TBX15: variants seen among roughly 807,000 people sequenced by gnomAD.
TBX15 encodes T-box transcription factor 15, also known as T-box transcription factor TBX15.
In TBX15, 18 loss-of-function variants were observed where a neutral mutation model predicts 53.9. The ratio of observed to expected loss-of-function variants is 0.33; its 90% CI spans 0.23 to 0.49. The LOEUF (loss-of-function observed/expected upper bound fraction) is 0.49, where lower values mean the gene tolerates loss of function less well. Among genes scored for constraint, TBX15 ranks in the 20% least tolerant of loss-of-function variants. TBX15 has a pLI of 0.98. For synonymous variants in TBX15, 295 were observed against 278.0 expected (o/e 1.06, Z -0.61); for missense variants, 692 against 749.5 (o/e 0.92, Z 0.90).
chr1:118,913,607 T>G (rs552556857), intron 6 of TBX15, among the ~76,000 whole-genome samples: 1 of 152,302 alleles, frequency 6.6e-6, no homozygotes, highest in African/African-American at 2.4e-5. Context: ...AGGGGTGTTC[T>G]GTAAACTCTC....
At chr1:118,900,120 A>C (rs1205381928) in intron 6 of TBX15, among the ~76,000 whole-genome samples, 1 of 152,196 alleles carries the variant, frequency 6.6e-6, no homozygotes, top group Non-Finnish European at 1.5e-5. Flanking sequence ...TTCTTTAAAA[A>C]AAAAACTGCT....
At chr1:118,927,783 C>T (rs1169073116) in intron 2 of TBX15, among the ~76,000 whole-genome samples, 1 of 152,176 alleles carries the variant, frequency 6.6e-6, no homozygotes. Flanking sequence ...TAAAGTTCAC[C>T]ATTCTTCTTT....
intron 1 of TBX15, among the ~76,000 whole-genome samples, chr1:118,935,567 C>A (rs985983255): frequency 6.6e-6 from 1 of 152,106 alleles, no homozygotes; most frequent in East Asian, 1.9e-4. Flanking sequence ...ACTTAAGTAA[C>A]CTGCGCTGAG....
At chr1:118,953,236 T>A (rs1359844085) in intron 1 of TBX15, among the ~76,000 whole-genome samples, 1 of 152,240 alleles carries the variant, frequency 6.6e-6, no homozygotes, top group Non-Finnish European at 1.5e-5. Context: ...TGGAATTTAA[T>A]TCATTCTAAA....
chr1:118,976,755 C>T (rs1036725060), intron 1 of TBX15, among the ~76,000 whole-genome samples: 2 of 152,162 alleles, frequency 1.3e-5, no homozygotes, highest in African/African-American at 4.8e-5. Context: ...AAATTCCTTT[C>T]GTCTTTATTA....
Position 118,944,474 on chromosome 1 carries a change from G to A in TBX15, c.206-12642C>T, listed in dbSNP as rs6663987. ...TCAACAAGGCTCTATTTTTCCCCAG[G>A]CCTACCTACCTTGAAGGGTCAGAAT... On this transcript the variant is annotated intron_variant, in intron 1 of 7. Coordinates refer to ENST00000369429, the MANE Select transcript of TBX15 (RefSeq NM_001330677.2). 2.0e-3 allele frequency among the ~76,000 whole-genome samples: 307 copies of A among 152,174 alleles called. 1 individual carries two copies. The highest frequency in any genetic ancestry group is 7.2e-3 in the African/African-American group (300 of 41,522).
chr1:118,968,641 A>G (rs1378411747), intron 1 of TBX15, among the ~76,000 whole-genome samples: 6 of 152,190 alleles, frequency 3.9e-5, no homozygotes, highest in Non-Finnish European at 7.4e-5. Flanking sequence ...TGTTTTGCCA[A>G]TGCTGTTGGG....
chr1:118,894,560 A>G (rs1181424150), intron 7 of TBX15, among the ~76,000 whole-genome samples: 1 of 152,180 alleles, frequency 6.6e-6, no homozygotes, highest in East Asian at 1.9e-4. Context: ...ACTATGGAAG[A>G]CATTAAGGTC....
At chr1:118,890,896 T>A (rs1303728777) in intron 7 of TBX15, 3 of 1,304,088 alleles carry the variant, frequency 2.3e-6, no homozygotes, top group East Asian at 1.1e-4. Context: ...TCTTCTCTCG[T>A]ATAATTCAAT....
At chr1:118,950,825 C>T (rs1175276405) in intron 1 of TBX15, among the ~76,000 whole-genome samples, 1 of 152,174 alleles carries the variant, frequency 6.6e-6, no homozygotes, top group African/African-American at 2.4e-5. Flanking sequence ...AGTATAAAAG[C>T]ACAATATGCC....
At position 118,912,222 on chromosome 1, in the gene TBX15, G is replaced by A. The variant is rs1452378116; in HGVS notation, c.926+1893C>T. ...ATGCTATTGGAGATACAGAAGGAAG[G>A]AAAAAGAAAGAAATAGTTTAATAAC... On this transcript the variant is annotated intron_variant, in intron 6 of 7. Coordinates refer to ENST00000369429, the MANE Select transcript of TBX15 (RefSeq NM_001330677.2). 5.3e-5 allele frequency among the ~76,000 whole-genome samples: 8 copies of A among 152,142 alleles called. No homozygotes were observed. In the East Asian group the frequency reaches 1.5e-3, roughly 29 times the overall value.
chr1:118,900,528 T>A (rs981710036), intron 6 of TBX15, among the ~76,000 whole-genome samples: 1 of 152,198 alleles, frequency 6.6e-6, no homozygotes, highest in African/African-American at 2.4e-5. Flanking sequence ...CTTTCTAAAG[T>A]CTTCCCTGGA....
intron 6 of TBX15, among the ~76,000 whole-genome samples, chr1:118,907,080 G>C (rs1419717003): frequency 2.6e-5 from 4 of 152,184 alleles, no homozygotes; most frequent in African/African-American, 9.7e-5. Flanking sequence ...CTCCTAAAAA[G>C]TTGTACCAAT....
At chr1:118,948,136 AGG>A (rs1656402223) in intron 1 of TBX15, among the ~76,000 whole-genome samples, 6 of 152,140 alleles carry the variant, frequency 3.9e-5, no homozygotes. Context: ...CAGTACAGTC[AGG>A]GTCTCTATTA....
chr1:118,912,726 T>C (rs1178426275), intron 6 of TBX15, among the ~76,000 whole-genome samples: 9 of 152,154 alleles, frequency 5.9e-5, no homozygotes, highest in Non-Finnish European at 8.8e-5. Context: ...GAAATGAAAG[T>C]AGTAGGTATT....
rs774198029 is a variant in TBX15, at chr1:118,899,141, C to T, written c.927-16G>A. 7 of 1,609,796 alleles carry T rather than the reference C, an allele frequency of 4.3e-6. No individual in the cohort carries two copies. The highest frequency in any genetic ancestry group is 1.3e-5 in the African/African-American group (1 of 74,762). On this transcript the variant is annotated splice_polypyrimidine_tract_variant and intron_variant, in intron 6 of 7. Transcript: ENST00000369429. ...AAGTCCAGTTCTGACAAGAGAAAAG[C>T]CAGCAAAGGAAGTCATAAATAATTT...
In TBX15 at chr1:118,984,367, C is replaced by T. The variant is rs190723242; in HGVS notation, c.205+3224G>A. Among the ~76,000 whole-genome samples, 160 of 152,372 alleles carry T rather than the reference C, an allele frequency of 1.1e-3. 1 individual carries two copies. Among genetic ancestry groups the T allele is most frequent in the Non-Finnish European group, 1.9e-4 (13 of 68,040 alleles). ...CACAGAAGGTTTACATTATTTCGCT[C>T]CGCGGGAGACCCGGCTTCGGCAGCA... On this transcript the variant is annotated intron_variant, in intron 1 of 7. Transcript: ENST00000369429.
intron 1 of TBX15, among the ~76,000 whole-genome samples, chr1:118,937,691 T>C (rs554363247): frequency 2.0e-5 from 3 of 152,260 alleles, no homozygotes; most frequent in South Asian, 4.1e-4. Context: ...AGGAAGAAAA[T>C]AGTTTGAAAC....
At chr1:118,909,579 G>A (rs1201487634) in intron 6 of TBX15, among the ~76,000 whole-genome samples, 1 of 152,060 alleles carries the variant, frequency 6.6e-6, no homozygotes, top group Non-Finnish European at 1.5e-5. Context: ...TTGTTTGTTT[G>A]TTTGTTTTCT....
Sources: allele counts gnomAD v4.1 joint callset (sites outside exome capture counted in the v4.1 genomes callset), GRCh38; gene constraint gnomAD v4.1.1; transcripts MANE v1.5; gene names NCBI Gene and HGNC (gene_info 2026-07-23, HGNC 2026-07-21).